CR1: variants seen among roughly 807,000 people sequenced by gnomAD.
CR1 encodes the protein complement receptor type 1.
A neutral mutation model predicts 187.3 loss-of-function variants in CR1; 116 were observed. That is an observed-to-expected ratio of 0.62 (90% CI 0.53 to 0.72). CR1 has a LOEUF of 0.72. Ranked by LOEUF, CR1 falls within the 30% of genes least tolerant of loss-of-function variation. CR1 has a pLI of 0.00. For missense variants in CR1, 1,731 were observed against 2,110.7 expected (o/e 0.82, Z 3.52); for synonymous variants, 576 against 747.1 (o/e 0.77, Z 3.73).
intron 35 of CR1, among the ~76,000 whole-genome samples, chr1:207,591,128 A>G (rs1316540055): frequency 1.3e-5 from 2 of 152,142 alleles, no homozygotes; most frequent in Non-Finnish European, 2.9e-5. Flanking sequence ...AGAACTCTCC[A>G]CCCCAAATCA....
chr1:207,575,407 C>T (rs1332967608), intron 27 of CR1, among the ~76,000 whole-genome samples, 188 bp from the exon 28 acceptor site: 2 of 152,056 alleles, frequency 1.3e-5, no homozygotes, highest in East Asian at 3.8e-4. Context: ...GAAGTTAGAG[C>T]AGAAATATCT....
chr1:207,516,244 A>G (rs1659805417), intron 4 of CR1, among the ~76,000 whole-genome samples: 1 of 152,166 alleles, frequency 6.6e-6, no homozygotes, highest in Non-Finnish European at 1.5e-5. Flanking sequence ...ATCTAATATC[A>G]TCTATTAAAA....
intron 23 of CR1, among the ~76,000 whole-genome samples, chr1:207,564,533 C>T (rs1394911383): frequency 6.7e-6 from 1 of 150,216 alleles, no homozygotes; most frequent in African/African-American, 2.5e-5. Flanking sequence ...GGCACGGTGG[C>T]TCACGTGTGT....
intron 32 of CR1, among the ~76,000 whole-genome samples, chr1:207,584,165 A>G (rs1035291420): frequency 6.6e-6 from 1 of 152,160 alleles, no homozygotes; most frequent in Non-Finnish European, 1.5e-5. Flanking sequence ...GGCATCATCA[A>G]GAAAAATTAA....
At chr1:207,580,479 ATTTTTTCTT>A in intron 30 of CR1, 23 bp from the exon 31 acceptor site, 1 of 1,579,500 alleles carries the variant, frequency 6.3e-7, no homozygotes, top group Non-Finnish European at 8.6e-7. Flanking sequence ...TCTTACTCCT[ATTTTTTCTT>A]TTTTTTTTTT....
intron 43 of CR1, 52 bp from the exon 44 acceptor site, chr1:207,621,921 C>G: frequency 6.7e-7 from 1 of 1,492,426 alleles, no homozygotes; most frequent in Non-Finnish European, 9.2e-7. Context: ...AGGTCCTGTT[C>G]AATCATGTTG....
intron 45 of CR1, among the ~76,000 whole-genome samples, chr1:207,627,803 TAG>T (rs1463687598): frequency 6.6e-6 from 1 of 152,118 alleles, no homozygotes; most frequent in African/African-American, 2.4e-5. Context: ...TTCTAGTGGG[TAG>T]AGAGTCCAAG....
At chr1:207,544,872 G>A (rs1172900607) in intron 13 of CR1, among the ~76,000 whole-genome samples, 60 of 59,832 alleles carry the variant, frequency 1.0e-3, no homozygotes, top group African/African-American at 3.6e-3. Context: ...GTGATGGAGG[G>A]ACCTATTAGA....
At chr1:207,583,214 T>C (rs554302103) in intron 32 of CR1, among the ~76,000 whole-genome samples, 4 of 152,176 alleles carry the variant, frequency 2.6e-5, no homozygotes, top group Non-Finnish European at 5.9e-5. Flanking sequence ...AAGCCAAGTA[T>C]GGAAATTATT....
At chr1:207,613,180 G>A (rs1191454026) in intron 39 of CR1, among the ~76,000 whole-genome samples, 1 of 152,160 alleles carries the variant, frequency 6.6e-6, no homozygotes, top group African/African-American at 2.4e-5. Flanking sequence ...GGGTGGAGAA[G>A]AGTTTTATTG....
intron 3 of CR1, among the ~76,000 whole-genome samples, chr1:207,511,255 C>T (rs1463482685): frequency 6.6e-6 from 1 of 152,056 alleles, no homozygotes; most frequent in Non-Finnish European, 1.5e-5. Flanking sequence ...TGACAGCTTC[C>T]CTGCACTCAA....
At chr1:207,609,088 A>G (rs1661833140) in intron 36 of CR1, among the ~76,000 whole-genome samples, 1 of 152,200 alleles carries the variant, frequency 6.6e-6, no homozygotes, top group African/African-American at 2.4e-5. Flanking sequence ...TTTTTGTGAA[A>G]TATGAGCAGA....
intron 5 of CR1, 40 bp downstream of exon 5, chr1:207,524,049 A>T (rs1225258937): frequency 2.6e-5 from 42 of 1,611,616 alleles, no homozygotes; most frequent in Non-Finnish European, 3.4e-5. Flanking sequence ...TGCCAGTGAC[A>T]TGCGTTGCTG....
intron 34 of CR1, among the ~76,000 whole-genome samples, 192 bp downstream of exon 34, chr1:207,587,757 C>T (rs1202183630): frequency 6.6e-6 from 1 of 152,158 alleles, no homozygotes; most frequent in Non-Finnish European, 1.5e-5. Context: ...ACAAAAACAA[C>T]GTAGGTGGGA....
At chr1:207,587,686 C>G in intron 34 of CR1, 121 bp downstream of exon 34, 10 of 935,810 alleles carry the variant, frequency 1.1e-5, no homozygotes, top group South Asian at 2.1e-5. Context: ...ATAGCTTGAA[C>G]TCAGGAGTTC....
rs1162889083 is a variant in CR1, at chr1:207,520,470, T to C, written c.488-3141T>C. ...TGGCTTGTAGATGCAAGATGCTGGG[T>C]CATACTCTGGTCCCCAATAAAGGCA... On this transcript the variant is annotated intron_variant, in intron 4 of 46. Transcript: ENST00000367049. Among the ~76,000 whole-genome samples the C allele has an allele frequency of 5.3e-5, 8 of 152,262 alleles. No individual in the cohort carries two copies. The East Asian group carries it at 1.5e-3, about 29-fold the overall frequency.
At chr1:207,596,850 A>C (rs1009608862) in intron 35 of CR1, among the ~76,000 whole-genome samples, 1 of 148,008 alleles carries the variant, frequency 6.8e-6, no homozygotes, top group Non-Finnish European at 1.5e-5. Context: ...TAAATATGAT[A>C]TAAATTTGAT....
At chr1:207,609,835 T>A in intron 37 of CR1, 147 bp downstream of exon 37, 1 of 860,744 alleles carries the variant, frequency 1.2e-6, no homozygotes, top group Non-Finnish European at 1.6e-6. Flanking sequence ...TGTTAATAAT[T>A]GTCTCAAAGT....
chr1:207,598,483 T>C (rs962014370), intron 35 of CR1, among the ~76,000 whole-genome samples: 1 of 151,762 alleles, frequency 6.6e-6, no homozygotes, highest in African/African-American at 2.4e-5. Flanking sequence ...GCAGTGGCAC[T>C]ATCTCGGTTC....
Sources: gnomAD v4.1 joint callset for allele counts (sites outside exome capture counted in the v4.1 genomes callset) on GRCh38, gnomAD v4.1.1 for gene constraint, MANE v1.5 for transcripts, NCBI Gene and HGNC (gene_info 2026-07-23, HGNC 2026-07-21) for gene names.